CSMD1: variants seen among roughly 807,000 people sequenced by gnomAD.
The protein encoded by CSMD1 is CUB and Sushi multiple domains 1.
In CSMD1, 213 loss-of-function variants were observed where a neutral mutation model predicts 417.5. The ratio of observed to expected loss-of-function variants is 0.51; its 90% confidence interval spans 0.46 to 0.57. The LOEUF is 0.57. CSMD1 is among the 20% of genes least tolerant of loss of function. The pLI, the probability that CSMD1 is intolerant of heterozygous loss-of-function variation, is 0.00. For synonymous variants in CSMD1, 2,862 were observed against 1,736.8 expected (o/e 1.65, Z -16.11); for missense variants, 6,923 against 4,529.7 (o/e 1.53, Z -15.17).
intron 3 of CSMD1, among the ~76,000 whole-genome samples, chr8:4,072,295 A>T (rs1283168815): frequency 6.6e-6 from 1 of 152,230 alleles, no homozygotes; most frequent in Non-Finnish European, 1.5e-5. Context: ...TTACAAAAAA[A>T]TACCTTCCTT....
chr8:3,179,491 G>A (rs73183567), intron 37 of CSMD1, among the ~76,000 whole-genome samples: 58 of 152,250 alleles, frequency 3.8e-4, no homozygotes, highest in Non-Finnish European at 5.7e-4. Flanking sequence ...CTTTTTTAAT[G>A]AATGATATTG....
intron 6 of CSMD1, among the ~76,000 whole-genome samples, chr8:3,720,773 T>C (rs1419225962): frequency 2.0e-5 from 3 of 152,142 alleles, no homozygotes; most frequent in Non-Finnish European, 4.4e-5. Flanking sequence ...CTTCAGATGC[T>C]GACACGATCC....
chr8:4,795,514 G>A (rs1049410928), intron 1 of CSMD1, among the ~76,000 whole-genome samples: 2 of 151,460 alleles, frequency 1.3e-5, no homozygotes, highest in Non-Finnish European at 2.9e-5. Context: ...TGCCCACCTC[G>A]GCCTTCCAAA....
At chr8:4,120,264 G>A (rs1585356849) in intron 3 of CSMD1, among the ~76,000 whole-genome samples, 1 of 151,060 alleles carries the variant, frequency 6.6e-6, no homozygotes, top group South Asian at 2.1e-4. Flanking sequence ...AAGGATTTGG[G>A]GTAAAGAAGG....
At chr8:4,728,826 C>A (rs557144762) in intron 1 of CSMD1, among the ~76,000 whole-genome samples, 1 of 151,710 alleles carries the variant, frequency 6.6e-6, no homozygotes, top group South Asian at 2.1e-4. Context: ...CAAAACACCT[C>A]GAAACAAAAA....
At chr8:4,472,672 T>A (rs899529769) in intron 2 of CSMD1, among the ~76,000 whole-genome samples, 1 of 150,286 alleles carries the variant, frequency 6.7e-6, no homozygotes. Context: ...TATTAATTGC[T>A]TTGTTATATC....
intron 12 of CSMD1, 63 bp from the exon 13 acceptor site, chr8:3,409,668 C>T (rs899820068): frequency 2.3e-6 from 3 of 1,328,162 alleles, no homozygotes; most frequent in African/African-American, 1.5e-5. Context: ...TTTATCTCTA[C>T]AACTTAGAAA....
chr8:3,475,577 T>C (rs1007151482), intron 11 of CSMD1, among the ~76,000 whole-genome samples: 1 of 152,196 alleles, frequency 6.6e-6, no homozygotes, highest in East Asian at 1.9e-4. Flanking sequence ...TCCTCATCTA[T>C]GAAACAAGAG....
chr8:3,481,010 G>C (rs940308166), intron 11 of CSMD1, among the ~76,000 whole-genome samples: 2 of 151,664 alleles, frequency 1.3e-5, no homozygotes, highest in African/African-American at 2.4e-5. Flanking sequence ...CAAAAAATTA[G>C]CCAGGCGTGG....
chr8:3,939,782 T>C (rs1485220318), intron 5 of CSMD1, among the ~76,000 whole-genome samples: 4 of 152,062 alleles, frequency 2.6e-5, no homozygotes, highest in Non-Finnish European at 5.9e-5. Flanking sequence ...AAAACAAACG[T>C]CATATGTTCT....
intron 10 of CSMD1, among the ~76,000 whole-genome samples, chr8:3,506,794 C>T (rs1481169948): frequency 6.6e-6 from 1 of 152,160 alleles, no homozygotes; most frequent in East Asian, 1.9e-4. Flanking sequence ...ACTTCCTCCA[C>T]ACCTGGATTT....
chr8:3,607,944 C>T lies in CSMD1; in HGVS notation c.1097+8766G>A, dbSNP rs571609318. Among the ~76,000 whole-genome samples, 43 of 151,914 alleles carry T rather than the reference C, an allele frequency of 2.8e-4. No individual in the cohort carries two copies. In the South Asian group the frequency reaches 4.0e-3, roughly 14 times the overall value. On this transcript the variant is annotated intron_variant, in intron 8 of 69. Transcript: ENST00000635120. ...CAGCACTTTGGGAGGCCAAGGCAGG[C>T]GGATCACTTGAGGTCAGGAGTTCAA...
At chr8:4,965,004 A>C (rs1418016323) in intron 1 of CSMD1, among the ~76,000 whole-genome samples, 1 of 152,146 alleles carries the variant, frequency 6.6e-6, no homozygotes, top group Non-Finnish European at 1.5e-5. Flanking sequence ...TTCACTTCAA[A>C]AACTGTCCTC....
At chr8:4,090,347 T>G (rs1157980024) in intron 3 of CSMD1, among the ~76,000 whole-genome samples, 2 of 152,224 alleles carry the variant, frequency 1.3e-5, no homozygotes, top group African/African-American at 4.8e-5. Context: ...TCATTATCTA[T>G]CATGCCTTAA....
intron 12 of CSMD1, among the ~76,000 whole-genome samples, chr8:3,421,718 A>G (rs1813499242): frequency 6.6e-6 from 1 of 151,962 alleles, no homozygotes; most frequent in African/African-American, 2.4e-5. Flanking sequence ...GCTCGCTACA[A>G]CCTCCACCTC....
Position 3,084,380 on chromosome 8 carries a change from G to A in CSMD1, c.7474+2717C>T, listed in dbSNP as rs146906522. Among the ~76,000 whole-genome samples, 1,186 of 151,902 alleles carry A rather than the reference G, an allele frequency of 7.8e-3. 9 individuals are homozygous for A. The highest frequency in any genetic ancestry group is 0.02 in the African/African-American group (845 of 41,430). On this transcript the variant is annotated intron_variant, in intron 49 of 69. Transcript: ENST00000635120. ...CTCTACTAAATACAAAAAATTAGCC[G>A]GCTATGGTGGTGGGTGCCTGTAATC...
intron 5 of CSMD1, among the ~76,000 whole-genome samples, chr8:3,967,960 G>T (rs901250061): frequency 2.8e-5 from 4 of 142,398 alleles, no homozygotes; most frequent in Non-Finnish European, 6.0e-5. Context: ...GAGGTCAGGA[G>T]ATCGAGACCA....
chr8:3,969,644 A>G (rs918378751), intron 5 of CSMD1, among the ~76,000 whole-genome samples: 1 of 152,256 alleles, frequency 6.6e-6, no homozygotes, highest in Admixed American at 6.5e-5. Context: ...ATGCTACCAC[A>G]TTTAAAAAGT....
At chr8:4,079,328 T>C (rs966495046) in intron 3 of CSMD1, among the ~76,000 whole-genome samples, 9 of 152,178 alleles carry the variant, frequency 5.9e-5, no homozygotes, top group African/African-American at 2.2e-4. Context: ...AATGTCTGCA[T>C]CCCTTGGAAC....
Sources: allele counts gnomAD v4.1 joint callset (sites outside exome capture counted in the v4.1 genomes callset), GRCh38; gene constraint gnomAD v4.1.1; transcripts MANE v1.5; gene names NCBI Gene and HGNC (gene_info 2026-07-23, HGNC 2026-07-21).